Variants in CRAMP1 observed in about 807,000 individuals in gnomAD.
CRAMP1 encodes cramped chromatin regulator 1, also known as protein cramped-like.
In CRAMP1, 50 loss-of-function variants were observed where a neutral mutation model predicts 115.4. The ratio of observed to expected loss-of-function variants is 0.43; its 90% CI spans 0.35 to 0.55. The LOEUF (loss-of-function observed/expected upper bound fraction) is 0.55. Among genes scored for constraint, CRAMP1 ranks in the 20% least tolerant of loss-of-function variants. The pLI, the probability that CRAMP1 is intolerant of heterozygous loss-of-function variation, is 0.01. For missense variants in CRAMP1, 1,679 were observed against 1,721.7 expected, an observed-to-expected ratio of 0.98 and a Z score of 0.44; for synonymous variants, 866 against 745.4, an observed-to-expected ratio of 1.16 and a Z score of -2.64.
rs1357891691 is a variant in CRAMP1 at position 1,668,147 on chromosome 16, C to T, written c.3288C>T (p.His1096=). The change falls in exon 18 of 21, where the codon CAC becomes CAT. Residue 1096 remains histidine, a synonymous_variant. Coordinates refer to ENST00000397412, the MANE Select transcript of CRAMP1 (RefSeq NM_020825.4). ...DALSQGEPAT[H]ISDSIIEIAI... ...TGTCACAGGGCGAGCCTGCCACACA[C>T]ATTAGCGACTCCATCATTGAGATCG... 6.2e-7 allele frequency: 1 copy of T among 1,613,554 alleles called. No individual in the cohort carries two copies. Among genetic ancestry groups the T allele is most frequent in the Non-Finnish European group, 8.5e-7 (1 of 1,179,764 alleles).
chr16:1,635,735 T>C (rs2142181330), intron 4 of CRAMP1, among the ~76,000 whole-genome samples: 1 of 152,372 alleles, frequency 6.6e-6, no homozygotes, highest in South Asian at 2.1e-4. Context: ...TGGTTCTTAA[T>C]GTACTTACAA....
chr16:1,626,400 T>G (rs997385244), intron 3 of CRAMP1, among the ~76,000 whole-genome samples: 5 of 152,222 alleles, frequency 3.3e-5, no homozygotes, highest in Non-Finnish European at 7.3e-5. Context: ...AGGAGGTGTT[T>G]TTGTGTGTTT....
Position 1,669,491 on chromosome 16 carries a change from C to T in CRAMP1, c.3499+326C>T, listed in dbSNP as rs1186725599. 6.6e-6 allele frequency among the ~76,000 whole-genome samples: 1 copy of T among 152,180 alleles called. No homozygotes were observed. The highest frequency in any genetic ancestry group is 2.4e-5 in the African/African-American group (1 of 41,424). ...AGTCTGTTCAGCTAGCCCGGCCCCTCCCGACTGGGTTCTCTTGAGGGGAGA... is the reference window on the plus strand; with the variant it reads ...AGTCTGTTCAGCTAGCCCGGCCCCTTCCGACTGGGTTCTCTTGAGGGGAGA... On this transcript the variant is annotated intron_variant, in intron 19 of 20. Transcript: ENST00000397412. This position sits in a 1 kb window ranked among gnomAD's most constrained non-coding sequence, Gnocchi z 4.6.
At chr16:1,620,428 GGA>G (rs1332303145) in intron 2 of CRAMP1, among the ~76,000 whole-genome samples, 1 of 152,178 alleles carries the variant, frequency 6.6e-6, no homozygotes, top group Non-Finnish European at 1.5e-5. Context: ...GAAGCATGGG[GGA>G]GACGGGTGTG....
chr16:1,662,902 C>G, intron 13 of CRAMP1, 67 bp downstream of exon 13: 1 of 1,229,212 alleles, frequency 8.1e-7, no homozygotes, highest in Non-Finnish European at 1.2e-6. Context: ...AGGGCTTCTT[C>G]CCTCTCTCAC....
In CRAMP1 at chr16:1,656,107, C is replaced by G. The variant is rs755744988; in HGVS notation, c.1350C>G (p.Ile450Met). 2 of 1,609,638 alleles carry G rather than the reference C, an allele frequency of 1.2e-6. No homozygotes were observed. Among genetic ancestry groups the G allele is most frequent in the South Asian group, 2.2e-5 (2 of 90,784 alleles). ...HVLPPAQILGIQSGQGTARGQ... is the reference protein window; with the variant it reads ...HVLPPAQILGMQSGQGTARGQ... ...TGCCCCCAGCCCAGATCCTGGGCATCCAGAGTGGGCAGGGCACGGCCCGGG... is the reference window on the plus strand; with the variant it reads ...TGCCCCCAGCCCAGATCCTGGGCATGCAGAGTGGGCAGGGCACGGCCCGGG... Residue 450 changes from isoleucine to methionine, a missense_variant, in exon 10 of 21, where the codon ATC (isoleucine) becomes ATG (methionine). Coordinates refer to ENST00000397412, the MANE Select transcript of CRAMP1 (RefSeq NM_020825.4). The surrounding 1 kb of genome is among the most constrained non-coding windows in gnomAD (Gnocchi z 5.6).
Position 1,614,787 on chromosome 16 carries a change from A to G in CRAMP1, c.148A>G (p.Lys50Glu). 1.5e-6 allele frequency: 2 copies of G among 1,347,260 alleles called. No homozygotes were observed. Among genetic ancestry groups the G allele is most frequent in the Non-Finnish European group, 1.9e-6 (2 of 1,040,666 alleles). 83.5% of individuals were successfully genotyped at this position (1,347,260 alleles called of 1,614,324 possible). A position where few individuals can be genotyped will look rare whatever the true frequency, so the allele number is the denominator to read the frequency against. ...EESSGTKRDE[K>E]TPRAGADGPP... is the part of the protein sequence containing the mutation. ...GAGCAGCGGCACAAAGAGGGACGAGAAGACCCCCCGGGCCGGCGCCGACGG... is the reference window on the plus strand; with the variant it reads ...GAGCAGCGGCACAAAGAGGGACGAGGAGACCCCCCGGGCCGGCGCCGACGG... Residue 50 changes from lysine to glutamate, a missense_variant, in exon 2 of 21, where the codon AAG (lysine) becomes GAG (glutamate). Coordinates refer to ENST00000397412, the MANE Select transcript of CRAMP1 (RefSeq NM_020825.4). This position sits in a 1 kb window ranked among gnomAD's most constrained non-coding sequence, Gnocchi z 4.4.
At chr16:1,639,774 C>G (rs1380837782) in intron 5 of CRAMP1, among the ~76,000 whole-genome samples, 1 of 152,186 alleles carries the variant, frequency 6.6e-6, no homozygotes, top group Non-Finnish European at 1.5e-5. Context: ...GGGGGCGTTG[C>G]AAAGGGAATA....
At chr16:1,649,272 CT>C (rs1248302604) in intron 6 of CRAMP1, among the ~76,000 whole-genome samples, 1 of 152,092 alleles carries the variant, frequency 6.6e-6, no homozygotes, top group Non-Finnish European at 1.5e-5. Context: ...ACTGAAGGCA[CT>C]CAGTCAGTAG....
intron 9 of CRAMP1, 37 bp from the exon 10 acceptor site, chr16:1,655,840 T>C: frequency 1.3e-6 from 2 of 1,579,892 alleles, no homozygotes; most frequent in Non-Finnish European, 1.7e-6. Flanking sequence ...CCGACCTCAG[T>C]GCTAGCCAGT....
At chr16:1,655,744 G>A in intron 9 of CRAMP1, 133 bp from the exon 10 acceptor site, 2 of 1,019,926 alleles carry the variant, frequency 2.0e-6, no homozygotes, top group Non-Finnish European at 1.4e-6. Context: ...TGTGAGGAAA[G>A]CCACGGGTGG....
chr16:1,617,732 C>T (rs1478792250), intron 2 of CRAMP1, among the ~76,000 whole-genome samples: 1 of 152,176 alleles, frequency 6.6e-6, no homozygotes, highest in African/African-American at 2.4e-5. Flanking sequence ...TTTGGCTTTT[C>T]TGCATGCAAG....
chr16:1,643,045 T>G (rs1287220400), intron 6 of CRAMP1, among the ~76,000 whole-genome samples: 2 of 152,020 alleles, frequency 1.3e-5, no homozygotes, highest in Admixed American at 1.3e-4. Flanking sequence ...GTAGTAGCTT[T>G]GTGGAGGTCT....
Position 1,652,411 on chromosome 16 carries a change from T to C in CRAMP1, c.828-85T>C. On this transcript the variant is annotated intron_variant, in intron 6 of 20. Transcript: ENST00000397412. ...ATGCTTGGCCAGGCCCCACCTGGCC[T>C]GGCTCAGCGCCTCTCCGTGTGCTGG... The C allele has an allele frequency of 2.4e-6, 3 of 1,264,306 alleles. No homozygotes were observed. In the Admixed American group the frequency reaches 7.2e-5, roughly 30 times the overall value. 78.3% of individuals were successfully genotyped at this position (1,264,306 alleles called of 1,614,324 possible).
Position 1,631,298 on chromosome 16 carries a change from G to T in CRAMP1, c.541-914G>T, listed in dbSNP as rs181231681. Among the ~76,000 whole-genome samples, 127 of 152,268 alleles carry T rather than the reference G, an allele frequency of 8.3e-4. 1 individual carries two copies. The highest frequency in any genetic ancestry group is 2.7e-3 in the African/African-American group (113 of 41,552). Reference sequence around the variant, plus strand: ...CCACCATGCCATTGTCGGCTTTCTCGCCCCGTTGGTTCCCCATTTGGCCAC... The same window carrying T: ...CCACCATGCCATTGTCGGCTTTCTCTCCCCGTTGGTTCCCCATTTGGCCAC... On this transcript the variant is annotated intron_variant, in intron 3 of 20. Transcript: ENST00000397412.
intron 2 of CRAMP1, among the ~76,000 whole-genome samples, chr16:1,620,292 G>A (rs572393211): frequency 1.3e-5 from 2 of 152,340 alleles, no homozygotes; most frequent in East Asian, 1.9e-4. Context: ...AAGGGTCCCT[G>A]CTGTCTTATG....
At chr16:1,673,518 G>A (rs1208208849) in intron 20 of CRAMP1, among the ~76,000 whole-genome samples, 1 of 152,128 alleles carries the variant, frequency 6.6e-6, no homozygotes, top group East Asian at 1.9e-4. Context: ...GGCACTCTCT[G>A]TCCCCTCACT....
At chr16:1,661,558 T>A (rs1300286792) in intron 11 of CRAMP1, among the ~76,000 whole-genome samples, 1 of 149,640 alleles carries the variant, frequency 6.7e-6, no homozygotes, top group African/African-American at 2.5e-5. Flanking sequence ...GGGTGAGGGG[T>A]CCTGTGAGAG....
At position 1,673,997 on chromosome 16, in the gene CRAMP1, G is replaced by A; in HGVS notation, c.3762G>A (p.Leu1254=). The part of the protein sequence containing the change: ...SIAEPGRREA[L]FDGGGGGPAV... ...CTGAGCCTGGCCGCCGAGAAGCTCT[G>A]TTTGATGGTGGTGGAGGCGGCCCCG... The change falls in exon 21 of 21, where the codon CTG becomes CTA. Residue 1254 remains leucine (L), a synonymous_variant. Transcript: ENST00000397412. 6.2e-7 allele frequency: 1 copy of A among 1,612,694 alleles called. No homozygotes were observed. Among genetic ancestry groups the A allele is most frequent in the South Asian group, 1.1e-5 (1 of 91,006 alleles).
Sources: allele counts gnomAD v4.1 joint callset (sites outside exome capture counted in the v4.1 genomes callset), GRCh38; gene constraint gnomAD v4.1.1; non-coding constraint Gnocchi (gnomAD v3.1); transcripts MANE v1.5; gene names NCBI Gene and HGNC (gene_info 2026-07-23, HGNC 2026-07-21).